The following CCDC88C variants were observed in gnomAD, a reference collection of about 807,000 sequenced individuals.
The protein encoded by CCDC88C is protein Daple.
CCDC88C carries 131 observed loss-of-function variants against 198.8 expected under a neutral mutation model. That is an observed-to-expected ratio of 0.66 (90% CI 0.57 to 0.76). The LOEUF is 0.76. Among genes scored for constraint, CCDC88C ranks in the 30% least tolerant of loss-of-function variants. The pLI is 0.00. For synonymous variants in CCDC88C, 1,166 were observed against 1,114.7 expected, an observed-to-expected ratio of 1.05 and a Z score of -0.92; for missense variants, 2,553 against 2,631.6, an observed-to-expected ratio of 0.97 and a Z score of 0.65.
At chr14:91,405,873 G>A (rs1030304842) in intron 3 of CCDC88C, among the ~76,000 whole-genome samples, 1 of 152,228 alleles carries the variant, frequency 6.6e-6, no homozygotes, top group African/African-American at 2.4e-5. Context: ...AAGAGGGCAG[G>A]ACTGAGACGC....
chr14:91,277,814 G>A, intron 29 of CCDC88C, 108 bp downstream of exon 29: 1 of 1,299,166 alleles, frequency 7.7e-7, no homozygotes, highest in Non-Finnish European at 1.0e-6. Flanking sequence ...CCAGTCCTGT[G>A]CCTAGGCCAC....
chr14:91,346,228 T>C (rs1353460735), intron 4 of CCDC88C, among the ~76,000 whole-genome samples: 1 of 152,166 alleles, frequency 6.6e-6, no homozygotes, highest in Non-Finnish European at 1.5e-5. Flanking sequence ...AATGACATCA[T>C]TGTCAAGCCT....
At position 91,340,071 on chromosome 14, in the gene CCDC88C, G is replaced by A. The variant is rs376667445; in HGVS notation, c.484-47C>T. On this transcript the variant is annotated intron_variant, in intron 6 of 29. Transcript: ENST00000389857. ...CACTGCAGGGGCGGCAGAGACGGGC[G>A]CCCACTTCCCTCACACTGCAAACAG... 7.5e-4 allele frequency: 1,193 copies of A among 1,594,120 alleles called. 8 individuals are homozygous for A. Among genetic ancestry groups the A allele is most frequent in the South Asian group, 5.2e-3 (455 of 87,638 alleles).
chr14:91,284,955 G>A lies in CCDC88C; in HGVS notation c.4442-1438C>T, dbSNP rs1013593925. On this transcript the variant is annotated intron_variant, in intron 25 of 29. Coordinates refer to ENST00000389857, the MANE Select transcript of CCDC88C (RefSeq NM_001080414.4). The surrounding 1 kb of genome is among the most constrained non-coding windows in gnomAD (Gnocchi z 4.1). ...TAGGTAATGGCCTAGCTGGCCGGCTGGCATTTTCCCTTGCTCGAGGCATGA... is the reference window on the plus strand; with the variant it reads ...TAGGTAATGGCCTAGCTGGCCGGCTAGCATTTTCCCTTGCTCGAGGCATGA... 6.6e-6 allele frequency among the ~76,000 whole-genome samples: 1 copy of A among 152,182 alleles called. No homozygotes were observed.
chr14:91,283,084 C>T lies in CCDC88C; in HGVS notation c.4630+245G>A, dbSNP rs569189878. 4.9e-3 allele frequency among the ~76,000 whole-genome samples: 745 copies of T among 152,350 alleles called. 3 individuals are homozygous for T. Among genetic ancestry groups the T allele is most frequent in the Middle Eastern group, 0.01 (3 of 294 alleles). On this transcript the variant is annotated intron_variant, in intron 26 of 29. Coordinates refer to ENST00000389857, the MANE Select transcript of CCDC88C (RefSeq NM_001080414.4). ...ATTTGGTGCCTTCATTTCCTGAATG[C>T]CGGTGGTGGCAGTGGGTTCTGAGGC...
chr14:91,285,535 T>G, intron 25 of CCDC88C: 1 of 785,670 alleles, frequency 1.3e-6, no homozygotes, highest in South Asian at 1.6e-5. Context: ...CTGGCTACTT[T>G]AAGCTTGAAA....
At position 91,375,207 on chromosome 14, in the gene CCDC88C, C is replaced by A. The variant is rs538896116; in HGVS notation, c.271-15496G>T. Among the ~76,000 whole-genome samples the A allele has an allele frequency of 2.0e-4, 31 of 152,286 alleles. 1 individual carries two copies. The Middle Eastern group carries it at 0.01, about 50-fold the overall frequency. On this transcript the variant is annotated intron_variant, in intron 3 of 29. Coordinates refer to ENST00000389857, the MANE Select transcript of CCDC88C (RefSeq NM_001080414.4). ...CACAGCAGGGCTCAGCCATCATTTG[C>A]CAAATGAGCTAATGAAGGGCCACAG...
rs375604354 is a variant in CCDC88C, at chr14:91,369,502, G to A, written c.271-9791C>T. Among the ~76,000 whole-genome samples, 12 of 152,146 alleles carry A rather than the reference G, an allele frequency of 7.9e-5. No individual in the cohort carries two copies. The South Asian group carries it at 8.3e-4, about 11-fold the overall frequency. On this transcript the variant is annotated intron_variant, in intron 3 of 29. Transcript: ENST00000389857. ...ATCACAGGTGTGACCCACCATGCCC[G>A]GCCAATTTTCTTATTTTTTATTCAT...
intron 3 of CCDC88C, among the ~76,000 whole-genome samples, chr14:91,388,478 C>T (rs1394442398): frequency 6.6e-6 from 1 of 152,178 alleles, no homozygotes; most frequent in East Asian, 1.9e-4. Flanking sequence ...TGGAAACGTC[C>T]AGGGCTAAGG....
intron 13 of CCDC88C, among the ~76,000 whole-genome samples, chr14:91,317,556 A>T (rs1341870455): frequency 2.6e-5 from 4 of 152,248 alleles, no homozygotes; most frequent in Admixed American, 2.6e-4. Context: ...CCAATAAAAC[A>T]GTCAGTGAGA....
intron 13 of CCDC88C, among the ~76,000 whole-genome samples, chr14:91,319,885 T>C (rs61988400): frequency 0.077 from 11,653 of 151,224 alleles, 572 homozygotes; most frequent in African/African-American, 0.14. Flanking sequence ...ACTAGCTGGG[T>C]GTGGTGGTGG....
intron 13 of CCDC88C, among the ~76,000 whole-genome samples, chr14:91,316,971 T>C (rs1284208395): frequency 2.0e-5 from 3 of 152,196 alleles, no homozygotes; most frequent in Admixed American, 6.5e-5. Context: ...TGGTGCAGCA[T>C]TAGGTTTTCC....
intron 4 of CCDC88C, among the ~76,000 whole-genome samples, chr14:91,346,467 C>T (rs1315978543): frequency 6.8e-6 from 1 of 147,994 alleles, no homozygotes; most frequent in African/African-American, 2.4e-5. Flanking sequence ...TGGAAAAATT[C>T]TCAAAATCTT....
chr14:91,286,886 C>A (rs139516324), intron 25 of CCDC88C, among the ~76,000 whole-genome samples: 22 of 152,342 alleles, frequency 1.4e-4, no homozygotes, highest in African/African-American at 4.3e-4. Context: ...CACCTCTACA[C>A]AGGGGAGGCC....
chr14:91,360,164 T>G (rs1232103903), intron 3 of CCDC88C, among the ~76,000 whole-genome samples: 1 of 151,966 alleles, frequency 6.6e-6, no homozygotes, highest in Non-Finnish European at 1.5e-5. Flanking sequence ...ATGCCTGTAG[T>G]CTCAACGCTT....
At chr14:91,315,237 T>C (rs912857119) in intron 14 of CCDC88C, among the ~76,000 whole-genome samples, 9 of 152,102 alleles carry the variant, frequency 5.9e-5, no homozygotes, top group Non-Finnish European at 1.3e-4. Flanking sequence ...ACATCAGCCC[T>C]GGACTGCCCG....
At chr14:91,340,638 A>G (rs773362781) in intron 6 of CCDC88C, among the ~76,000 whole-genome samples, 12 of 152,068 alleles carry the variant, frequency 7.9e-5, no homozygotes, top group Non-Finnish European at 1.3e-4. Flanking sequence ...GCCACAGGAG[A>G]CAGGATCCAT....
intron 3 of CCDC88C, among the ~76,000 whole-genome samples, chr14:91,367,584 C>T (rs781524037): frequency 2.6e-5 from 4 of 152,106 alleles, no homozygotes; most frequent in Non-Finnish European, 5.9e-5. Flanking sequence ...AGAGAACTCT[C>T]GGCCTGTCTG....
At chr14:91,309,509 C>T (rs1483811234) in intron 16 of CCDC88C, among the ~76,000 whole-genome samples, 3 of 150,844 alleles carry the variant, frequency 2.0e-5, no homozygotes, top group African/African-American at 7.3e-5. Flanking sequence ...TGGTCTCCAG[C>T]TAGGGCTGGA....
Sources: gnomAD v4.1 joint callset for allele counts (sites outside exome capture counted in the v4.1 genomes callset) on GRCh38, gnomAD v4.1.1 for gene constraint, Gnocchi (gnomAD v3.1) non-coding constraint, MANE v1.5 for transcripts, NCBI Gene and HGNC (gene_info 2026-07-23, HGNC 2026-07-21) for gene names.